Variants in GCDH observed in about 807,000 individuals in gnomAD.
GCDH encodes the protein glutaryl-CoA dehydrogenase, mitochondrial.
In GCDH, 31 loss-of-function variants were observed where a neutral mutation model predicts 52.8. The observed-to-expected ratio is 0.59, with a 90% CI of 0.44 to 0.79. GCDH has a LOEUF of 0.79. Ranked by LOEUF, GCDH falls within the 30% of genes least tolerant of loss-of-function variation. GCDH has a pLI of 0.00. For missense variants in GCDH, 509 were observed against 595.0 expected (o/e 0.86, Z 1.50); for synonymous variants, 242 against 250.0 (o/e 0.97, Z 0.30).
In GCDH at chr19:12,899,880, C is replaced by A; in HGVS notation, c.*339C>A. ...ACCCCCTCACACTGAGTTCACAGTGCGCCCTCCCTCCCTCCCATCTGGGGG... is the reference window on the plus strand; with the variant it reads ...ACCCCCTCACACTGAGTTCACAGTGAGCCCTCCCTCCCTCCCATCTGGGGG... On this transcript the variant is annotated 3_prime_UTR_variant, in exon 12 of 12. Transcript: ENST00000222214. 2.5e-6 allele frequency: 4 copies of A among 1,585,198 alleles called. No homozygotes were observed. The highest frequency in any genetic ancestry group is 3.5e-6 in the Non-Finnish European group (4 of 1,157,964).
At chr19:12,895,960 G>C (rs1428676173) in intron 6 of GCDH, 32 bp from the exon 7 acceptor site, 2 of 1,613,316 alleles carry the variant, frequency 1.2e-6, no homozygotes, top group Non-Finnish European at 1.7e-6. Context: ...TCAGGGACCA[G>C]GCAGCCTTGT....
Position 12,898,088 on chromosome 19 carries a change from G to A in GCDH, c.1243+225G>A, listed in dbSNP as rs747836564. The A allele has an allele frequency of 8.8e-6, 5 of 567,344 alleles. No individual in the cohort carries two copies. The South Asian group carries it at 9.8e-5, about 11-fold the overall frequency. The allele number at this position is 567,344 out of a possible 1,614,324, so 35.1% of individuals were successfully genotyped here. A position where few individuals can be genotyped will look rare whatever the true frequency, so the allele number is the denominator to read the frequency against. On this transcript the variant is annotated intron_variant, in intron 11 of 11. Transcript: ENST00000222214. ...ACAGAGGCCCCATCAGGCCTTGCGA[G>A]GGGCTCCCAGCTCTTTCTCCCACAT...
intron 4 of GCDH, 68 bp downstream of exon 4, chr19:12,892,042 C>T: frequency 2.5e-6 from 4 of 1,610,710 alleles, no homozygotes; most frequent in Non-Finnish European, 3.4e-6. Context: ...CACCTCAAGG[C>T]CCCTCTGTCC....
intron 11 of GCDH, chr19:12,898,317 A>G (rs1242446353): frequency 5.4e-6 from 1 of 183,594 alleles, no homozygotes; most frequent in Non-Finnish European, 1.2e-5. Flanking sequence ...ATGGGGGTCC[A>G]GAACCCCTTG....
rs1003540493 is a variant in GCDH, at chr19:12,892,253, C to T, written c.334+75C>T. The T allele has an allele frequency of 6.8e-6, 8 of 1,180,480 alleles. No homozygotes were observed. In the African/African-American group the frequency reaches 9.0e-5, roughly 13 times the overall value. 73.1% of individuals were successfully genotyped at this position (1,180,480 alleles called of 1,614,324 possible). On this transcript the variant is annotated intron_variant, in intron 5 of 11. Transcript: ENST00000222214. ...AGCCTCTTCCTCCTTCCCTCCCTCC[C>T]TTTCTTCCTTCCTTCTCTTTCTTTT...
chr19:12,894,735 AAAAT>A (rs1970635246), intron 6 of GCDH: 1 of 838,994 alleles, frequency 1.2e-6, no homozygotes, highest in Non-Finnish European at 1.8e-6. Flanking sequence ...CATATTAAGA[AAAAT>A]AAAGAAGAGG....
At chr19:12,894,095 T>A (rs941103895) in intron 6 of GCDH, 11 of 918,542 alleles carry the variant, frequency 1.2e-5, no homozygotes, top group Non-Finnish European at 1.9e-5. Context: ...ACGTTGGCCC[T>A]CTTCCGTGGT....
chr19:12,898,073 C>T (rs1599619677), intron 11 of GCDH: 2 of 591,566 alleles, frequency 3.4e-6, no homozygotes, highest in East Asian at 5.8e-5. Context: ...ACAGAGGCCC[C>T]ATCAGGCCTT....
At position 12,893,580 on chromosome 19, in the gene GCDH, G is replaced by T. The variant is rs762837797; in HGVS notation, c.432G>T (p.Gln144His). 2 of 1,613,926 alleles carry T rather than the reference G, an allele frequency of 1.2e-6. No individual in the cohort carries two copies. Among genetic ancestry groups the T allele is most frequent in the Admixed American group, 3.3e-5 (2 of 60,016 alleles). The change falls in exon 6 of 12, where the codon CAG (glutamine) becomes CAT (histidine). Residue 144 changes from glutamine to histidine, a missense_variant. Physicochemically the swap from Gln to His is conservative, Grantham distance 24. Coordinates refer to ENST00000222214, the MANE Select transcript of GCDH (RefSeq NM_000159.4). ...DSGYRSAMSV[Q>H]SSLVMHPIYA... ...GCTACAGGTCGGCGATGAGTGTCCA[G>T]TCCTCCCTCGTCATGCACCCTATCT...
In GCDH at chr19:12,891,981, G is replaced by A; in HGVS notation, c.271+7G>A. 1 of 1,614,224 alleles carries A rather than the reference G, an allele frequency of 6.2e-7. No individual in the cohort carries two copies. On this transcript the variant is annotated splice_region_variant and intron_variant, in intron 4 of 11. Coordinates refer to ENST00000222214, the MANE Select transcript of GCDH (RefSeq NM_000159.4). Reference sequence around the variant, plus strand: ...TTGGCCAATCGCAACGAAGGTGGGCGGGCTGGTGGGTGCCCTGAGACTGCT... The same window carrying A: ...TTGGCCAATCGCAACGAAGGTGGGCAGGCTGGTGGGTGCCCTGAGACTGCT...
chr19:12,891,799 C>T (rs1484822626), intron 3 of GCDH, 32 bp from the exon 4 acceptor site: 1 of 1,612,610 alleles, frequency 6.2e-7, no homozygotes, highest in Non-Finnish European at 8.5e-7. Flanking sequence ...AGTGATCTTG[C>T]GGACTGGACC....
chr19:12,895,096 C>T (rs1451178592), intron 6 of GCDH, among the ~76,000 whole-genome samples: 2 of 152,072 alleles, frequency 1.3e-5, no homozygotes, highest in African/African-American at 4.8e-5. Flanking sequence ...ACAGCCTCCT[C>T]CTGCTTAACT....
At chr19:12,899,208 C>CTT in intron 11 of GCDH, 2 of 805,836 alleles carry the variant, frequency 2.5e-6, no homozygotes, top group South Asian at 3.2e-5. Flanking sequence ...GCACAAGGAG[C>CTT]TTTGGGTTTT....
At chr19:12,899,418 AG>A (rs777025420) in intron 11 of GCDH, 49 bp from the exon 12 acceptor site, 4 of 1,613,898 alleles carry the variant, frequency 2.5e-6, no homozygotes, top group Admixed American at 3.3e-5. Context: ...TTTAAAGGGA[AG>A]TTGTGAGCTA....
chr19:12,898,689 G>A (rs1221310826), intron 11 of GCDH: 1 of 156,708 alleles, frequency 6.4e-6, no homozygotes, highest in Admixed American at 6.1e-5. Flanking sequence ...GGCTAAGGCA[G>A]GAGGATTGCT....
chr19:12,899,404 T>C, intron 11 of GCDH, 64 bp from the exon 12 acceptor site: 1 of 1,614,074 alleles, frequency 6.2e-7, no homozygotes, highest in Non-Finnish European at 8.5e-7. Context: ...ACATGAAAAT[T>C]GATTTTAAAG....
chr19:12,892,880 T>A (rs2145942669), intron 5 of GCDH, among the ~76,000 whole-genome samples: 1 of 122,158 alleles, frequency 8.2e-6, no homozygotes, highest in African/African-American at 3.2e-5. Flanking sequence ...GGCCCTTTTC[T>A]TTTTTTTTTT....
chr19:12,894,716 A>G (rs1970634729), intron 6 of GCDH: 1 of 806,462 alleles, frequency 1.2e-6, no homozygotes, highest in East Asian at 2.6e-5. Flanking sequence ...TATTGCTCTG[A>G]AGCAGCCGCA....
At position 12,893,523 on chromosome 19, in the gene GCDH, C is replaced by T. The variant is rs1262773034; in HGVS notation, c.375C>T (p.Leu125=). The part of the protein sequence containing the change: ...CAGVSSVAYG[L]LARELERVDS... The stretch of plus-strand genomic sequence containing the variant: ...GGGTTTCGTCTGTGGCCTATGGGCT[C>T]CTGGCCCGAGAGCTGGAGCGGGTGG... Residue 125 remains leucine, a synonymous_variant, in exon 6 of 12, where the codon CTC becomes CTT. Transcript: ENST00000222214. The T allele has an allele frequency of 6.2e-7, 1 of 1,614,120 alleles. No homozygotes were observed.
Sources: allele counts gnomAD v4.1 joint callset (sites outside exome capture counted in the v4.1 genomes callset), GRCh38; gene constraint gnomAD v4.1.1; transcripts MANE v1.5; gene names NCBI Gene and HGNC (gene_info 2026-07-23, HGNC 2026-07-21).